EML5: variants seen among roughly 807,000 people sequenced by gnomAD.
The protein encoded by EML5 is echinoderm microtubule-associated protein-like 5.
Under a neutral mutation model 250.0 loss-of-function variants are expected in EML5, and 120 were observed. The ratio of observed to expected loss-of-function variants is 0.48; its 90% CI spans 0.41 to 0.56. EML5 has a LOEUF of 0.56. EML5 is among the 20% of genes least tolerant of loss of function. The probability of loss-of-function intolerance (pLI) is 0.00; values close to 1 mark genes in which losing one functional copy is unlikely to be tolerated. For missense variants in EML5, 2,006 were observed against 2,437.6 expected, an observed-to-expected ratio of 0.82 and a Z score of 3.73; for synonymous variants, 771 against 806.5, an observed-to-expected ratio of 0.96 and a Z score of 0.75.
At position 88,620,695 on chromosome 14, in the gene EML5, T is replaced by C; in HGVS notation, c.5375+59A>G. 7.2e-7 allele frequency: 1 copy of C among 1,381,830 alleles called. No homozygotes were observed. 85.6% of individuals were successfully genotyped at this position (1,381,830 alleles called of 1,614,324 possible). The stretch of plus-strand genomic sequence containing the variant: ...TTTGAAGGCAAGGCTATGGAAAATT[T>C]TACAAATGGAAGTTAAATCAAGTAT... On this transcript the variant is annotated intron_variant, in intron 39 of 43. Transcript: ENST00000554922. The surrounding 1 kb of genome is among the most constrained non-coding windows in gnomAD (Gnocchi z 4.3).
intron 28 of EML5, among the ~76,000 whole-genome samples, chr14:88,647,985 C>A (rs893782172): frequency 6.6e-6 from 1 of 152,106 alleles, no homozygotes; most frequent in Admixed American, 6.6e-5. Flanking sequence ...CTGTTCTGAC[C>A]TAAGAGGGTT....
Position 88,657,972 on chromosome 14 carries a change from A to G in EML5, c.3877+215T>C, listed in dbSNP as rs369713831. ...TTAACAGTACTTATTTAAAATTCAG[A>G]TATTTTTCATTTGTAGATAAATAAT... On this transcript the variant is annotated intron_variant, in intron 26 of 43. Coordinates refer to ENST00000554922, the MANE Select transcript of EML5 (RefSeq NM_183387.3). 4.6e-5 allele frequency among the ~76,000 whole-genome samples: 7 copies of G among 152,320 alleles called. No individual in the cohort carries two copies. The South Asian group carries it at 1.0e-3, about 23-fold the overall frequency.
intron 35 of EML5, chr14:88,626,511 C>G (rs2089965492): frequency 3.9e-6 from 1 of 256,260 alleles, no homozygotes; most frequent in Admixed American, 4.9e-5. Flanking sequence ...GTAGTCCCAG[C>G]TACTAAGGAG....
chr14:88,650,485 CA>C (rs1398621761), intron 27 of EML5, among the ~76,000 whole-genome samples: 1 of 151,890 alleles, frequency 6.6e-6, no homozygotes, highest in Non-Finnish European at 1.5e-5. Flanking sequence ...AAAATAAAAA[CA>C]AAAACATTTA....
chr14:88,758,557 C>G (rs901621383), intron 1 of EML5, among the ~76,000 whole-genome samples: 3 of 152,244 alleles, frequency 2.0e-5, no homozygotes, highest in Admixed American at 2.0e-4. Context: ...AAAAGCGTAA[C>G]CCTTAAACAT....
rs114226362 is a variant in EML5 at position 88,721,990 on chromosome 14, G to A, written c.1187+4551C>T. On this transcript the variant is annotated intron_variant, in intron 8 of 43. Coordinates refer to ENST00000554922, the MANE Select transcript of EML5 (RefSeq NM_183387.3). ...ACACTTTTTGAAAGACAACATTTATGTGGCCAACAAACATATGAAAAAAAG... is the reference window on the plus strand; with the variant it reads ...ACACTTTTTGAAAGACAACATTTATATGGCCAACAAACATATGAAAAAAAG... 5.3e-3 allele frequency among the ~76,000 whole-genome samples: 800 copies of A among 152,254 alleles called. 3 individuals carry two copies. Among genetic ancestry groups the A allele is most frequent in the African/African-American group, 0.018 (757 of 41,542 alleles).
At chr14:88,744,139 T>C (rs2093969394) in intron 3 of EML5, 48 bp from the exon 4 acceptor site, 3 of 1,388,174 alleles carry the variant, frequency 2.2e-6, no homozygotes, top group African/African-American at 1.4e-5. Context: ...TCCAGAATCA[T>C]TTAAAAATCC....
intron 35 of EML5, chr14:88,625,951 G>C (rs561534059): frequency 5.3e-5 from 8 of 152,238 alleles, no homozygotes; most frequent in African/African-American, 1.9e-4. Context: ...GATGTGGATT[G>C]GAAGCCACAG....
In EML5 at chr14:88,740,561, TA is replaced by T; in HGVS notation, c.536del (p.Leu179TyrfsTer6). 1 of 1,607,596 alleles carries T rather than the reference TA, an allele frequency of 6.2e-7. No homozygotes were observed. Among genetic ancestry groups the T allele is most frequent in the Non-Finnish European group, 8.5e-7 (1 of 1,177,566 alleles). The part of the protein sequence containing the change: ...CGVKHIKFWS[L>X]CGNALTPKRG... The stretch of plus-strand genomic sequence containing the variant: ...GTTTTGGGGTCAGAGCATTTCCACA[TA>T]AACTCCAGAACTAAAAGGTATATAG... On this transcript the variant is annotated frameshift_variant, in exon 5 of 44. Transcript: ENST00000554922. LOFTEE classifies it high-confidence loss of function.
At chr14:88,625,272 G>A (rs921541230) in intron 35 of EML5, 145 bp from the exon 36 acceptor site, 31 of 927,868 alleles carry the variant, frequency 3.3e-5, no homozygotes, top group Admixed American at 9.2e-5. Context: ...CTGAATTCAC[G>A]AGTCAGGAAA....
intron 10 of EML5, among the ~76,000 whole-genome samples, chr14:88,708,117 G>C (rs984866926): frequency 1.3e-5 from 2 of 152,042 alleles, no homozygotes; most frequent in African/African-American, 4.8e-5. Context: ...ATAAACCAAG[G>C]CAGCTAAACA....
chr14:88,770,423 T>G (rs1022065571), intron 1 of EML5, among the ~76,000 whole-genome samples: 3 of 152,198 alleles, frequency 2.0e-5, no homozygotes, highest in African/African-American at 7.2e-5. Flanking sequence ...CATTTTTTCC[T>G]CATAATAGAT....
rs747183491 is a variant in EML5 at position 88,634,536 on chromosome 14, C to T, written c.4337-47G>A. 13 of 1,124,644 alleles carry T rather than the reference C, an allele frequency of 1.2e-5. No individual in the cohort carries two copies. The African/African-American group carries it at 1.8e-4, about 15-fold the overall frequency. The allele number at this position is 1,124,644 out of a possible 1,614,324, so 69.7% of individuals were successfully genotyped here. Reference sequence around the variant, plus strand: ...TATAAATAACATAAATCTGTAAAATCTGTAAAAACCCAAATATCATATTAA... The same window carrying T: ...TATAAATAACATAAATCTGTAAAATTTGTAAAAACCCAAATATCATATTAA... On this transcript the variant is annotated intron_variant, in intron 32 of 43. Transcript: ENST00000554922.
At position 88,767,414 on chromosome 14, in the gene EML5, C is replaced by A. The variant is rs965580205; in HGVS notation, c.198-12743G>T. On this transcript the variant is annotated intron_variant, in intron 1 of 43. Transcript: ENST00000554922. The stretch of plus-strand genomic sequence containing the variant: ...CCCCTACAATTTTCCCCATAATTTC[C>A]AGCTCCCAGAGGTCCCTTTTCATTA... Among the ~76,000 whole-genome samples the A allele has an allele frequency of 4.6e-5, 7 of 152,182 alleles. No individual in the cohort carries two copies. The East Asian group carries it at 1.2e-3, about 25-fold the overall frequency.
At chr14:88,625,423 G>A (rs548144981) in intron 35 of EML5, 7 of 236,640 alleles carry the variant, frequency 3.0e-5, no homozygotes, top group Admixed American at 1.1e-4. Flanking sequence ...TTTTTGAGAC[G>A]GAGTTTCGCT....
intron 40 of EML5, 57 bp from the exon 41 acceptor site, chr14:88,618,388 CAG>C: frequency 1.4e-6 from 2 of 1,475,736 alleles, no homozygotes; most frequent in Non-Finnish European, 1.9e-6. Flanking sequence ...ACAAAATCCA[CAG>C]GGGGTTTACA....
At chr14:88,686,312 T>A (rs913906891) in intron 19 of EML5, among the ~76,000 whole-genome samples, 23 of 151,646 alleles carry the variant, frequency 1.5e-4, no homozygotes, top group Admixed American at 9.9e-4. Flanking sequence ...CAAAGACGAG[T>A]TAACGGGTGC....
chr14:88,744,981 A>G (rs1038592443), intron 3 of EML5, among the ~76,000 whole-genome samples: 6 of 152,118 alleles, frequency 3.9e-5, no homozygotes, highest in Admixed American at 6.5e-5. Context: ...TATCAATGCA[A>G]CTTTGAAATA....
chr14:88,675,390 G>A (rs1342276074), intron 21 of EML5, among the ~76,000 whole-genome samples: 3 of 152,222 alleles, frequency 2.0e-5, no homozygotes, highest in Non-Finnish European at 4.4e-5. Context: ...CCACATGGAA[G>A]CTGCCAAGGC....
Sources: allele counts gnomAD v4.1 joint callset (sites outside exome capture counted in the v4.1 genomes callset), GRCh38; gene constraint gnomAD v4.1.1; non-coding constraint Gnocchi (gnomAD v3.1); transcripts MANE v1.5; gene names NCBI Gene and HGNC (gene_info 2026-07-23, HGNC 2026-07-21).